The following MRRF variants were observed in gnomAD, a reference collection of about 807,000 sequenced individuals.
The protein encoded by MRRF is mitochondrial ribosome recycling factor.
Under a neutral mutation model 25.1 loss-of-function variants are expected in MRRF, and 18 were observed. The observed-to-expected ratio is 0.72, with a 90% CI of 0.50 to 1.06. The LOEUF (loss-of-function observed/expected upper bound fraction) is 1.06. Ranked by LOEUF, MRRF falls within the 50% of genes least tolerant of loss-of-function variation. MRRF has a pLI of 0.00. For synonymous variants in MRRF, 113 were observed against 112.1 expected, an observed-to-expected ratio of 1.01 and a Z score of -0.05; for missense variants, 323 against 319.3, an observed-to-expected ratio of 1.01 and a Z score of -0.09.
At chr9:122,269,625 G>T (rs138423753) in intron 1 of MRRF, among the ~76,000 whole-genome samples, 14 of 152,262 alleles carry the variant, frequency 9.2e-5, no homozygotes, top group African/African-American at 3.4e-4. Context: ...TACTTGGGAG[G>T]CTGAGGCATG....
chr9:122,276,170 T>C (rs1361792043), intron 2 of MRRF, among the ~76,000 whole-genome samples: 5 of 152,200 alleles, frequency 3.3e-5, no homozygotes, highest in African/African-American at 1.2e-4. Context: ...CACCTTGGGC[T>C]CCCAAAGTGC....
chr9:122,295,024 G>A (rs1014028703), intron 5 of MRRF, among the ~76,000 whole-genome samples: 6 of 152,128 alleles, frequency 3.9e-5, no homozygotes, highest in Non-Finnish European at 8.8e-5. Flanking sequence ...TAAATTTTGC[G>A]TTGGTGTCAC....
chr9:122,304,088 C>CAT (rs1414973957), intron 5 of MRRF, among the ~76,000 whole-genome samples: 2 of 151,984 alleles, frequency 1.3e-5, no homozygotes, highest in Non-Finnish European at 2.9e-5. Flanking sequence ...CACACACACA[C>CAT]ACACACACAC....
At chr9:122,300,839 T>C (rs1432055665) in intron 5 of MRRF, among the ~76,000 whole-genome samples, 1 of 152,202 alleles carries the variant, frequency 6.6e-6, no homozygotes, top group Non-Finnish European at 1.5e-5. Flanking sequence ...TGGTTTGTTC[T>C]TTGAATATGA....
intron 2 of MRRF, among the ~76,000 whole-genome samples, chr9:122,278,180 T>G (rs1024792280): frequency 3.3e-5 from 5 of 152,162 alleles, no homozygotes; most frequent in Non-Finnish European, 7.4e-5. Context: ...GAAGATATAC[T>G]TTTAATTTAT....
intron 6 of MRRF, among the ~76,000 whole-genome samples, chr9:122,314,271 C>A (rs920150926): frequency 6.6e-6 from 1 of 151,930 alleles, no homozygotes; most frequent in African/African-American, 2.4e-5. Context: ...TGCTTTATAT[C>A]TCTCAATCTT....
At position 122,331,270 on chromosome 9, in the gene MRRF, G is replaced by A. The variant is rs1014724747; in HGVS notation, c.*8653G>A. On this transcript the variant is annotated 3_prime_UTR_variant, in exon 7 of 7. Transcript: ENST00000344641. Reference sequence around the variant, plus strand: ...TATAAAAGTGTTAATTTAAATTAACGGACTATTACCTATTCTTAGAGCTTT... The same window carrying A: ...TATAAAAGTGTTAATTTAAATTAACAGACTATTACCTATTCTTAGAGCTTT... 1 of 152,088 alleles carries A rather than the reference G, an allele frequency of 6.6e-6. No individual in the cohort carries two copies. Among genetic ancestry groups the A allele is most frequent in the African/African-American group, 2.4e-5 (1 of 41,388 alleles). 9.4% of individuals were successfully genotyped at this position (152,088 alleles called of 1,614,324 possible).
intron 5 of MRRF, 52 bp downstream of exon 5, chr9:122,291,892 G>A (rs766726864): frequency 7.7e-7 from 1 of 1,295,330 alleles, no homozygotes; most frequent in Non-Finnish European, 1.1e-6. Flanking sequence ...GGTTGTCCTT[G>A]GAAGGAAACC....
rs531863698 is a variant in MRRF at position 122,288,488 on chromosome 9, A to T, written c.459+3201A>T. 3.6e-3 allele frequency among the ~76,000 whole-genome samples: 548 copies of T among 152,352 alleles called. 11 individuals are homozygous for T. The highest frequency in any genetic ancestry group is 4.6e-3 in the Non-Finnish European group (312 of 68,036). On this transcript the variant is annotated intron_variant, in intron 4 of 6. Coordinates refer to ENST00000344641, the MANE Select transcript of MRRF (RefSeq NM_138777.5). ...TTTACACTGTTGTGACAGAGCCAGG[A>T]TTTGAACATATCTCTGTTGGATGTG...
At chr9:122,321,751 T>A (rs1260280345) in intron 6 of MRRF, among the ~76,000 whole-genome samples, 4 of 151,284 alleles carry the variant, frequency 2.6e-5, no homozygotes, top group Non-Finnish European at 5.9e-5. Context: ...TTTCAAGGCT[T>A]TTTTTTTTCA....
At position 122,265,815 on chromosome 9, in the gene MRRF, A is replaced by T. The variant is rs1343020855; in HGVS notation, c.-29+877A>T. 6 of 1,236,622 alleles carry T rather than the reference A, an allele frequency of 4.9e-6. No individual in the cohort carries two copies. In the East Asian group the frequency reaches 1.7e-4, roughly 35 times the overall value. The allele number at this position is 1,236,622 out of a possible 1,614,324, so 76.6% of individuals were successfully genotyped here. On this transcript the variant is annotated intron_variant, in intron 1 of 6. Transcript: ENST00000344641. ...CTGGAATCCAGATCTCTTAACTCTTAGGCAAAAGCCCTTTCTCTACCTGTT... is the reference window on the plus strand; with the variant it reads ...CTGGAATCCAGATCTCTTAACTCTTTGGCAAAAGCCCTTTCTCTACCTGTT...
intron 5 of MRRF, among the ~76,000 whole-genome samples, chr9:122,303,086 A>G (rs1262406368): frequency 6.6e-6 from 1 of 152,086 alleles, no homozygotes; most frequent in Non-Finnish European, 1.5e-5. Flanking sequence ...TATATTCTGG[A>G]TATTAGACTC....
intron 1 of MRRF, among the ~76,000 whole-genome samples, chr9:122,266,833 G>A (rs1228016374): frequency 6.6e-6 from 1 of 152,246 alleles, no homozygotes; most frequent in African/African-American, 2.4e-5. Flanking sequence ...CAGCACATTG[G>A]GAGGCCCAGG....
intron 6 of MRRF, among the ~76,000 whole-genome samples, chr9:122,320,868 C>CA (rs1835853445): frequency 6.6e-6 from 1 of 152,226 alleles, no homozygotes; most frequent in Non-Finnish European, 1.5e-5. Context: ...CACCATGCTG[C>CA]AGCCCTTAAA....
chr9:122,317,016 C>G (rs1835572647), intron 6 of MRRF, among the ~76,000 whole-genome samples: 1 of 151,056 alleles, frequency 6.6e-6, no homozygotes, highest in African/African-American at 2.4e-5. Flanking sequence ...CATAAGCCCT[C>G]TTTTTGGACA....
chr9:122,270,052 A>T (rs1239562439), intron 1 of MRRF, among the ~76,000 whole-genome samples: 1 of 152,140 alleles, frequency 6.6e-6, no homozygotes, highest in African/African-American at 2.4e-5. Flanking sequence ...AAAAAAAAAA[A>T]TAAGGTGTGG....
At chr9:122,288,619 A>C (rs146948226) in intron 4 of MRRF, among the ~76,000 whole-genome samples, 127 of 152,352 alleles carry the variant, frequency 8.3e-4, no homozygotes, top group African/African-American at 2.7e-3. Flanking sequence ...TTCACTGATT[A>C]TTAAGACAGA....
intron 5 of MRRF, among the ~76,000 whole-genome samples, chr9:122,301,665 A>G (rs982621770): frequency 6.6e-6 from 1 of 151,934 alleles, no homozygotes; most frequent in Non-Finnish European, 1.5e-5. Flanking sequence ...AGTTAATACT[A>G]TTTTTTAAGT....
Position 122,266,541 on chromosome 9 carries a change from C to G in MRRF, c.-29+1603C>G, listed in dbSNP as rs369845171. Among the ~76,000 whole-genome samples, 9 of 152,238 alleles carry G rather than the reference C, an allele frequency of 5.9e-5. 2 individuals are homozygous for G. Among genetic ancestry groups the G allele is most frequent in the African/African-American group, 1.7e-4 (7 of 41,536 alleles). On this transcript the variant is annotated intron_variant, in intron 1 of 6. Coordinates refer to ENST00000344641, the MANE Select transcript of MRRF (RefSeq NM_138777.5). ...CAAAATACGGGTGGTGATTATCACT[C>G]TTTAGTTATGAGAACCAGTTAAGAT...
Sources: allele counts gnomAD v4.1 joint callset (sites outside exome capture counted in the v4.1 genomes callset), GRCh38; gene constraint gnomAD v4.1.1; transcripts MANE v1.5; gene names NCBI Gene and HGNC (gene_info 2026-07-23, HGNC 2026-07-21).